The following NRXN1 variants were observed in gnomAD, a reference collection of about 807,000 sequenced individuals.
The protein encoded by NRXN1 is neurexin-1.
Under a neutral mutation model 150.9 loss-of-function variants are expected in NRXN1, and 39 were observed. That is an observed-to-expected ratio of 0.26 (90% CI 0.20 to 0.34). NRXN1 has a LOEUF of 0.34. NRXN1 is among the 10% of genes least tolerant of loss of function. The pLI is 1.00. For synonymous variants in NRXN1, 924 were observed against 757.0 expected, an observed-to-expected ratio of 1.22 and a Z score of -3.62; for missense variants, 1,815 against 1,949.9, an observed-to-expected ratio of 0.93 and a Z score of 1.30.
chr2:50,150,694 A>C (rs10490237), intron 18 of NRXN1, among the ~76,000 whole-genome samples: 15,766 of 151,776 alleles, frequency 0.1, 953 homozygotes, highest in Middle Eastern at 0.21. Flanking sequence ...ACTCAGTATC[A>C]CATTTATCTT....
intron 21 of NRXN1, among the ~76,000 whole-genome samples, chr2:50,007,158 C>T (rs921825195): frequency 6.6e-6 from 1 of 151,762 alleles, no homozygotes; most frequent in Non-Finnish European, 1.5e-5. Flanking sequence ...GCCTGGATAA[C>T]AAAGCGAGAC....
At chr2:50,184,382 T>G (rs1387234313) in intron 18 of NRXN1, among the ~76,000 whole-genome samples, 2 of 152,058 alleles carry the variant, frequency 1.3e-5, no homozygotes, top group Admixed American at 1.3e-4. Context: ...AAGTACTTTT[T>G]ATTTAATATC....
rs1468562555 is a variant in NRXN1 at position 50,538,259 on chromosome 2, C to T, written c.2137G>A (p.Glu713Lys). 2 of 1,609,444 alleles carry T rather than the reference C, an allele frequency of 1.2e-6. No individual in the cohort carries two copies. Among genetic ancestry groups the T allele is most frequent in the East Asian group, 4.5e-5 (2 of 44,762 alleles). The part of the protein sequence containing the change: ...SGTGYLGRSC[E>K]REATVLSYDG... ...TGGGGTTTTAGAATCCTACCTCTCT[C>T]ACAGGACCTGCCAAGATAGCCTGTT... The change falls in exon 10 of 23, where the codon GAG becomes AAG. Residue 713 changes from glutamate to lysine, a missense_variant. This residue lies in a region of NRXN1 where 638 missense variants were observed against 652.6 expected (regional missense o/e 0.98). Coordinates refer to ENST00000401669, the MANE Select transcript of NRXN1 (RefSeq NM_001330078.2).
intron 5 of NRXN1, among the ~76,000 whole-genome samples, chr2:50,664,789 A>C (rs959611612): frequency 7.2e-5 from 11 of 151,896 alleles, no homozygotes; most frequent in African/African-American, 2.4e-4. Flanking sequence ...AAAAAAAAAA[A>C]ACAAAAACTA....
At chr2:50,350,535 G>A (rs188196387) in intron 17 of NRXN1, among the ~76,000 whole-genome samples, 1 of 152,260 alleles carries the variant, frequency 6.6e-6, no homozygotes, top group Non-Finnish European at 1.5e-5. Context: ...TGTTTGCTAA[G>A]GATCATCAAA....
intron 19 of NRXN1, among the ~76,000 whole-genome samples, chr2:50,072,498 A>G (rs1696436124): frequency 6.6e-6 from 1 of 150,936 alleles, no homozygotes; most frequent in Non-Finnish European, 1.5e-5. Context: ...TATTCACACT[A>G]ATTTTTATCC....
chr2:51,019,971 C>T lies in NRXN1; in HGVS notation c.772+7531G>A, dbSNP rs143907724. On this transcript the variant is annotated intron_variant, in intron 2 of 22. Coordinates refer to ENST00000401669, the MANE Select transcript of NRXN1 (RefSeq NM_001330078.2). ...ACTCAACATTTTTCAATATAGATTT[C>T]CATTAAGGATTACTTTGTAACTAAG... Among the ~76,000 whole-genome samples the T allele has an allele frequency of 6.8e-3, 1,040 of 151,884 alleles. 6 individuals are homozygous for T. The highest frequency in any genetic ancestry group is 0.01 in the Non-Finnish European group (696 of 67,890).
At chr2:50,289,211 C>T (rs144149059) in intron 17 of NRXN1, among the ~76,000 whole-genome samples, 1,793 of 151,942 alleles carry the variant, frequency 0.012, 13 homozygotes, top group Middle Eastern at 0.017. Context: ...CTGTAGAGCC[C>T]CAAGGTTAAT....
chr2:50,264,713 T>C (rs2068658736), intron 17 of NRXN1, among the ~76,000 whole-genome samples: 1 of 152,246 alleles, frequency 6.6e-6, no homozygotes, highest in South Asian at 2.1e-4. Flanking sequence ...TATGTCAATT[T>C]TCTTAACAGA....
chr2:50,197,988 T>A (rs929759771), intron 18 of NRXN1, among the ~76,000 whole-genome samples: 1 of 152,128 alleles, frequency 6.6e-6, no homozygotes, highest in African/African-American at 2.4e-5. Flanking sequence ...GTCTTTTCAG[T>A]TTAACCAGCT....
intron 19 of NRXN1, among the ~76,000 whole-genome samples, chr2:50,066,986 C>G (rs1695464623): frequency 6.6e-6 from 1 of 152,190 alleles, no homozygotes; most frequent in African/African-American, 2.4e-5. Flanking sequence ...CTCAAGAGTT[C>G]TGTCAGTCAT....
intron 18 of NRXN1, among the ~76,000 whole-genome samples, chr2:50,138,586 C>T (rs1004319604): frequency 1.3e-4 from 20 of 152,164 alleles, no homozygotes; most frequent in Non-Finnish European, 8.8e-5. Context: ...GTCTCACTGC[C>T]CCGTTAGCTA....
At chr2:49,995,151 A>G (rs1448304730) in intron 21 of NRXN1, among the ~76,000 whole-genome samples, 1 of 152,234 alleles carries the variant, frequency 6.6e-6, no homozygotes, top group East Asian at 1.9e-4. Flanking sequence ...AACATCTGTC[A>G]AATCTGTAGA....
chr2:50,631,946 T>C (rs1019689006), intron 5 of NRXN1, among the ~76,000 whole-genome samples: 4 of 151,946 alleles, frequency 2.6e-5, no homozygotes, highest in African/African-American at 9.7e-5. Context: ...TAAAAGTAGC[T>C]TCATGAATAT....
intron 8 of NRXN1, among the ~76,000 whole-genome samples, chr2:50,612,592 C>T (rs1452154627): frequency 2.6e-5 from 4 of 152,164 alleles, no homozygotes; most frequent in Non-Finnish European, 5.9e-5. Context: ...TATGCTTTCT[C>T]TGGAATATGC....
At chr2:50,795,609 A>G (rs1322015893) in intron 5 of NRXN1, among the ~76,000 whole-genome samples, 5 of 150,284 alleles carry the variant, frequency 3.3e-5, no homozygotes, top group African/African-American at 1.2e-4. Flanking sequence ...TAATTCTGTA[A>G]CTCTGATCTC....
At chr2:50,177,764 T>G (rs1412494710) in intron 18 of NRXN1, among the ~76,000 whole-genome samples, 1 of 124,836 alleles carries the variant, frequency 8.0e-6, no homozygotes, top group Non-Finnish European at 1.7e-5. Context: ...GTAGCTAAAC[T>G]AACTAACTAA....
chr2:50,399,527 T>C (rs1030021610), intron 17 of NRXN1, among the ~76,000 whole-genome samples: 1 of 151,892 alleles, frequency 6.6e-6, no homozygotes, highest in African/African-American at 2.4e-5. Context: ...GGGAGAGCTT[T>C]TATAAGGAAG....
chr2:50,291,047 A>G (rs1213104324), intron 17 of NRXN1, among the ~76,000 whole-genome samples: 1 of 151,830 alleles, frequency 6.6e-6, no homozygotes, highest in East Asian at 1.9e-4. Context: ...GCAGAGAAAA[A>G]TCCCCTAGTG....
Sources: allele counts gnomAD v4.1 joint callset (sites outside exome capture counted in the v4.1 genomes callset), GRCh38; gene constraint gnomAD v4.1.1; regional missense constraint gnomAD v4.1.1; transcripts MANE v1.5; gene names NCBI Gene and HGNC (gene_info 2026-07-23, HGNC 2026-07-21).